Variants in FRMD4A observed in about 807,000 individuals in gnomAD.
FRMD4A encodes the protein FERM domain containing 4A.
In FRMD4A, 29 loss-of-function variants were observed where a neutral mutation model predicts 129.1. The observed-to-expected ratio is 0.22, with a 90% CI of 0.17 to 0.31. The LOEUF (loss-of-function observed/expected upper bound fraction) is 0.31. Among genes scored for constraint, FRMD4A ranks in the 10% least tolerant of loss-of-function variants. The pLI is 1.00. For synonymous variants in FRMD4A, 634 were observed against 571.6 expected, an observed-to-expected ratio of 1.11 and a Z score of -1.56; for missense variants, 1,272 against 1,375.8, an observed-to-expected ratio of 0.92 and a Z score of 1.19.
At chr10:13,760,241 C>G (rs2092017457) in intron 8 of FRMD4A, among the ~76,000 whole-genome samples, 1 of 151,946 alleles carries the variant, frequency 6.6e-6, no homozygotes, top group African/African-American at 2.4e-5. Flanking sequence ...GACAATCTGG[C>G]CCTCAACAAA....
At chr10:14,033,714 G>A (rs1833362390) in intron 2 of FRMD4A, among the ~76,000 whole-genome samples, 1 of 152,014 alleles carries the variant, frequency 6.6e-6, no homozygotes, top group Non-Finnish European at 1.5e-5. Flanking sequence ...GAACCCAGGA[G>A]GTGGAGGTTG....
At chr10:13,874,984 C>CG (rs1458354142) in intron 2 of FRMD4A, among the ~76,000 whole-genome samples, 1 of 151,724 alleles carries the variant, frequency 6.6e-6, no homozygotes, top group East Asian at 1.9e-4. Context: ...GGGATGGGGA[C>CG]GGGGGGACAC....
intron 3 of FRMD4A, among the ~76,000 whole-genome samples, chr10:13,850,880 T>TA (rs2094131479): frequency 6.6e-6 from 1 of 152,226 alleles, no homozygotes; most frequent in Non-Finnish European, 1.5e-5. Context: ...TTTACACAGT[T>TA]ACTGTGAGGA....
chr10:13,905,554 T>C (rs2094873124), intron 2 of FRMD4A, among the ~76,000 whole-genome samples: 1 of 152,232 alleles, frequency 6.6e-6, no homozygotes, highest in South Asian at 2.1e-4. Flanking sequence ...TAACCTAAAC[T>C]ATTAATATGA....
chr10:14,132,888 G>T (rs1419738011), intron 2 of FRMD4A, among the ~76,000 whole-genome samples: 7 of 152,194 alleles, frequency 4.6e-5, no homozygotes, highest in African/African-American at 1.7e-4. Context: ...CTCAATGGGA[G>T]TGTATTTCAA....
chr10:14,108,453 T>C lies in FRMD4A; in HGVS notation c.45+221605A>G, dbSNP rs141248175. Among the ~76,000 whole-genome samples, 9 of 152,340 alleles carry C rather than the reference T, an allele frequency of 5.9e-5. No homozygotes were observed. The East Asian group carries it at 1.7e-3, about 29-fold the overall frequency. ...GTATTATGAGGACTGAGGTTTAAAC[T>C]CTTTGGCATATCTGGGGTATGTGAT... On this transcript the variant is annotated intron_variant, in intron 2 of 24. Transcript: ENST00000357447.
chr10:13,800,695 C>T (rs1335104737), intron 4 of FRMD4A, among the ~76,000 whole-genome samples: 1 of 152,204 alleles, frequency 6.6e-6, no homozygotes, highest in Admixed American at 6.5e-5. Flanking sequence ...TGATGAACTT[C>T]AAGGTGGGGA....
chr10:13,687,369 C>G (rs1369318342), intron 15 of FRMD4A, among the ~76,000 whole-genome samples: 1 of 152,214 alleles, frequency 6.6e-6, no homozygotes, highest in Admixed American at 6.5e-5. Context: ...GAACAAATCT[C>G]AGGCTCTGTC....
chr10:13,681,841 G>A (rs1377016848), intron 15 of FRMD4A, among the ~76,000 whole-genome samples: 2 of 152,130 alleles, frequency 1.3e-5, no homozygotes, highest in Non-Finnish European at 2.9e-5. Flanking sequence ...CAGAAGTTGG[G>A]AGAATTAAAA....
intron 2 of FRMD4A, among the ~76,000 whole-genome samples, chr10:13,886,800 A>G (rs1036081339): frequency 3.9e-5 from 6 of 152,176 alleles, no homozygotes; most frequent in Admixed American, 3.9e-4. Context: ...GCGGTCTGCT[A>G]CACTCACTCA....
At chr10:14,315,604 C>T (rs563428148) in intron 2 of FRMD4A, among the ~76,000 whole-genome samples, 1 of 152,294 alleles carries the variant, frequency 6.6e-6, no homozygotes, top group East Asian at 1.9e-4. Flanking sequence ...TTTTCTAATG[C>T]TTTCCATTGT....
intron 4 of FRMD4A, among the ~76,000 whole-genome samples, chr10:13,804,427 C>T (rs768327390): frequency 1.3e-5 from 2 of 152,196 alleles, no homozygotes; most frequent in South Asian, 2.1e-4. Context: ...TTGAAACAAA[C>T]GCGAGGACCT....
rs190357107 is a variant in FRMD4A at position 14,017,487 on chromosome 10, C to A, written c.46-158575G>T. 5.4e-4 allele frequency among the ~76,000 whole-genome samples: 83 copies of A among 152,328 alleles called. 1 individual carries two copies. Among genetic ancestry groups the A allele is most frequent in the African/African-American group, 1.8e-3 (76 of 41,576 alleles). On this transcript the variant is annotated intron_variant, in intron 2 of 24. Coordinates refer to ENST00000357447, the MANE Select transcript of FRMD4A (RefSeq NM_018027.5). ...CAAACAGAGCCAATAGCTGTTGACT[C>A]AATTTTTACTAGGCTTAGCTCTCAA...
chr10:13,837,478 C>T (rs1482825644), intron 3 of FRMD4A, among the ~76,000 whole-genome samples: 2 of 152,322 alleles, frequency 1.3e-5, no homozygotes, highest in African/African-American at 4.8e-5. Flanking sequence ...CTGTTTAGAG[C>T]TTTCCACAGA....
intron 2 of FRMD4A, among the ~76,000 whole-genome samples, chr10:13,997,832 T>A (rs1350464748): frequency 1.3e-5 from 2 of 151,926 alleles, no homozygotes; most frequent in Admixed American, 6.6e-5. Context: ...CCCAGTTTGT[T>A]CTCAAAACTC....
chr10:13,665,923 G>T (rs576141674), intron 18 of FRMD4A, among the ~76,000 whole-genome samples, 174 bp downstream of exon 18: 1 of 152,216 alleles, frequency 6.6e-6, no homozygotes, highest in Non-Finnish European at 1.5e-5. Context: ...AGTCCACTTG[G>T]TTTCTCTCAT....
chr10:13,955,112 C>CTTTTTTTTTTTTTTTT (rs71388139), intron 2 of FRMD4A, among the ~76,000 whole-genome samples: 17,452 of 101,544 alleles, frequency 0.17, 3,349 homozygotes, highest in Non-Finnish European at 0.22. Flanking sequence ...AATAATTCTG[C>CTTTTTTTTTTTTTTTT]TTTTTTTTTT....
Position 13,796,480 on chromosome 10 carries a change from C to T in FRMD4A, c.299+16G>A, listed in dbSNP as rs769594428. The T allele has an allele frequency of 8.0e-7, 1 of 1,242,720 alleles. No individual in the cohort carries two copies. Among genetic ancestry groups the T allele is most frequent in the South Asian group, 1.2e-5 (1 of 83,698 alleles). 77.0% of individuals were successfully genotyped at this position (1,242,720 alleles called of 1,614,324 possible). A position where few individuals can be genotyped will look rare whatever the true frequency, so the allele number is the denominator to read the frequency against. On this transcript the variant is annotated intron_variant, in intron 5 of 24. Transcript: ENST00000357447. The stretch of plus-strand genomic sequence containing the variant: ...GAACACAAAGAAGCAAAAGTATAGA[C>T]ACCAGGTGTACATACCTGACACAAA...
intron 2 of FRMD4A, among the ~76,000 whole-genome samples, chr10:13,869,022 T>C (rs915490549): frequency 3.3e-5 from 5 of 152,252 alleles, no homozygotes; most frequent in African/African-American, 9.6e-5. Context: ...GCTGGCGTTT[T>C]ACTTGCGGAT....
Sources: gnomAD v4.1 joint callset for allele counts (sites outside exome capture counted in the v4.1 genomes callset) on GRCh38, gnomAD v4.1.1 for gene constraint, MANE v1.5 for transcripts, NCBI Gene and HGNC (gene_info 2026-07-23, HGNC 2026-07-21) for gene names.